ARHGEF28: variants seen among roughly 807,000 people sequenced by gnomAD.
ARHGEF28 encodes the protein 190 kDa guanine nucleotide exchange factor.
In ARHGEF28, 152 loss-of-function variants were observed where a neutral mutation model predicts 206.6. The ratio of observed to expected loss-of-function variants is 0.74; its 90% CI spans 0.64 to 0.84. The LOEUF is 0.84. Among genes scored for constraint, ARHGEF28 ranks in the 40% least tolerant of loss-of-function variants. The pLI, the probability that ARHGEF28 is intolerant of heterozygous loss-of-function variation, is 0.00. For synonymous variants in ARHGEF28, 763 were observed against 776.4 expected (o/e 0.98, Z 0.29); for missense variants, 2,028 against 2,073.2 (o/e 0.98, Z 0.42).
chr5:73,678,087 C>A (rs1202515258), intron 1 of ARHGEF28, among the ~76,000 whole-genome samples: 18 of 152,200 alleles, frequency 1.2e-4, no homozygotes, highest in African/African-American at 4.1e-4. Flanking sequence ...GAGCATGGAA[C>A]TCAGTGCTCT....
chr5:73,780,852 C>T, intron 7 of ARHGEF28, 107 bp downstream of exon 7: 1 of 1,220,712 alleles, frequency 8.2e-7, no homozygotes, highest in Non-Finnish European at 1.2e-6. Flanking sequence ...TCAAGGGGCT[C>T]AGAGGCAAGA....
At chr5:73,660,517 G>A (rs1745526738) in intron 1 of ARHGEF28, among the ~76,000 whole-genome samples, 1 of 152,130 alleles carries the variant, frequency 6.6e-6, no homozygotes, top group Admixed American at 6.5e-5. Flanking sequence ...CTAGAATGGT[G>A]AATTCTTTCC....
intron 4 of ARHGEF28, among the ~76,000 whole-genome samples, chr5:73,756,051 C>T (rs767041496): frequency 6.6e-6 from 1 of 152,130 alleles, no homozygotes; most frequent in Non-Finnish European, 1.5e-5. Context: ...CAGATCCTGA[C>T]CTTATTACCT....
chr5:73,911,779 A>G (rs1480889240), intron 35 of ARHGEF28: 2 of 579,354 alleles, frequency 3.5e-6, no homozygotes, highest in Non-Finnish European at 6.1e-6. Context: ...AAGTGAGACC[A>G]TGGTCATAGG....
Position 73,887,648 on chromosome 5 carries a change from A to T in ARHGEF28, c.3356A>T (p.Glu1119Val). 6.4e-7 allele frequency: 1 copy of T among 1,574,680 alleles called. No homozygotes were observed. Residue 1119 changes from glutamate (E) to valine (V), a missense_variant, in exon 26 of 36, where the codon GAA (glutamate) becomes GTA (valine). This residue lies in a region of ARHGEF28 where 803 missense variants were observed against 768.0 expected (regional missense o/e 1.05). Coordinates refer to ENST00000513042, the MANE Select transcript of ARHGEF28 (RefSeq NM_001177693.2). ...ACTGATGTGCTGCTCTTTTTACAAG[A>T]AAAAGACCAGAAATACATCTTTGCA... ...LLTDVLLFLQ[E>V]KDQKYIFAAV...
chr5:73,791,559 GT>G (rs1754482481), intron 7 of ARHGEF28, among the ~76,000 whole-genome samples: 1 of 118,546 alleles, frequency 8.4e-6, no homozygotes, highest in Non-Finnish European at 1.9e-5. Context: ...AGCATCCTGT[GT>G]TTTTGGTTGT....
At chr5:73,824,298 G>A (rs1156893953) in intron 9 of ARHGEF28, among the ~76,000 whole-genome samples, 1 of 152,138 alleles carries the variant, frequency 6.6e-6, no homozygotes, top group Non-Finnish European at 1.5e-5. Flanking sequence ...ACCCTAGTCG[G>A]GAAGTTACTT....
At chr5:73,678,117 C>A (rs1334908152) in intron 1 of ARHGEF28, among the ~76,000 whole-genome samples, 1 of 152,162 alleles carries the variant, frequency 6.6e-6, no homozygotes, top group African/African-American at 2.4e-5. Flanking sequence ...GAGGAATTAA[C>A]TTGGGGAAAA....
At chr5:73,781,359 T>C (rs918138748) in intron 7 of ARHGEF28, among the ~76,000 whole-genome samples, 29 of 152,284 alleles carry the variant, frequency 1.9e-4, no homozygotes, top group African/African-American at 7.0e-4. Context: ...AGATATATTT[T>C]TTATAATACA....
intron 4 of ARHGEF28, among the ~76,000 whole-genome samples, chr5:73,770,471 C>A (rs941095114): frequency 1.1e-4 from 16 of 152,178 alleles, no homozygotes; most frequent in African/African-American, 2.9e-4. Context: ...ATTAGTAATT[C>A]TGCATTGGTT....
At chr5:73,730,533 GA>G (rs1176239205) in intron 2 of ARHGEF28, among the ~76,000 whole-genome samples, 2 of 139,650 alleles carry the variant, frequency 1.4e-5, no homozygotes, top group African/African-American at 5.6e-5. Context: ...CCATAAGGAG[GA>G]TTTTTTTTTT....
intron 7 of ARHGEF28, among the ~76,000 whole-genome samples, chr5:73,787,199 C>G (rs994154688): frequency 2.0e-4 from 30 of 152,174 alleles, no homozygotes; most frequent in Non-Finnish European, 4.1e-4. Context: ...GGACTTAAGA[C>G]AGCAGTACTA....
chr5:73,935,115 T>C (rs1347667367), intron 35 of ARHGEF28, among the ~76,000 whole-genome samples: 2 of 152,220 alleles, frequency 1.3e-5, no homozygotes, highest in Non-Finnish European at 2.9e-5. Flanking sequence ...CTGTTTCTTC[T>C]CAGCATTGCT....
intron 9 of ARHGEF28, among the ~76,000 whole-genome samples, chr5:73,818,807 G>A (rs1169674729): frequency 4.6e-5 from 7 of 152,108 alleles, no homozygotes; most frequent in African/African-American, 1.7e-4. Flanking sequence ...CTTGGACAAG[G>A]TATCATTCTC....
At chr5:73,746,968 GA>G (rs897441403) in intron 2 of ARHGEF28, among the ~76,000 whole-genome samples, 16 of 152,250 alleles carry the variant, frequency 1.1e-4, no homozygotes, top group Admixed American at 1.0e-3. Context: ...TAAGCTTGTT[GA>G]GTTTCATTTG....
At chr5:73,664,401 G>A (rs998145436) in intron 1 of ARHGEF28, among the ~76,000 whole-genome samples, 6 of 152,116 alleles carry the variant, frequency 3.9e-5, no homozygotes, top group South Asian at 2.1e-4. Context: ...ATCTGGATTC[G>A]AATCTTGTCT....
chr5:73,772,757 G>C (rs1303774588), intron 4 of ARHGEF28, among the ~76,000 whole-genome samples: 2 of 152,158 alleles, frequency 1.3e-5, no homozygotes, highest in African/African-American at 4.8e-5. Flanking sequence ...GACTCGGGAA[G>C]GATCATAATG....
chr5:73,739,345 A>T (rs1194795613), intron 2 of ARHGEF28, among the ~76,000 whole-genome samples: 1 of 152,200 alleles, frequency 6.6e-6, no homozygotes, highest in Non-Finnish European at 1.5e-5. Flanking sequence ...AATTGGAAAC[A>T]TATTTCCCAA....
intron 5 of ARHGEF28, among the ~76,000 whole-genome samples, chr5:73,775,550 T>C (rs542172829): frequency 4.6e-5 from 7 of 152,318 alleles, no homozygotes; most frequent in African/African-American, 9.6e-5. Flanking sequence ...CTCCATCTGA[T>C]GGAGATAACA....
Sources: allele counts gnomAD v4.1 joint callset (sites outside exome capture counted in the v4.1 genomes callset), GRCh38; gene constraint gnomAD v4.1.1; regional missense constraint gnomAD v4.1.1; transcripts MANE v1.5; gene names NCBI Gene and HGNC (gene_info 2026-07-23, HGNC 2026-07-21).